The following CSRP3 variants were observed in gnomAD, a reference collection of about 807,000 sequenced individuals.
The protein encoded by CSRP3 is cysteine and glycine rich protein 3, also known as cysteine and glycine-rich protein 3.
CSRP3 carries 24 observed loss-of-function variants against 24.3 expected under a neutral mutation model. That is an observed-to-expected ratio of 0.99 (90% CI 0.71 to 1.39). The LOEUF (loss-of-function observed/expected upper bound fraction) is 1.39, where lower values mean the gene tolerates loss of function less well. Ranked by LOEUF, CSRP3 falls within the 40% of genes most tolerant of loss-of-function variation. The probability of loss-of-function intolerance (pLI) is 0.00; values close to 1 mark genes in which losing one functional copy is unlikely to be tolerated. For missense variants in CSRP3, 240 were observed against 249.0 expected, an observed-to-expected ratio of 0.96 and a Z score of 0.24; for synonymous variants, 105 against 94.0, an observed-to-expected ratio of 1.12 and a Z score of -0.68.
chr11:19,187,345 G>A (rs1030413742), intron 3 of CSRP3, among the ~76,000 whole-genome samples: 3 of 152,246 alleles, frequency 2.0e-5, no homozygotes, highest in Non-Finnish European at 4.4e-5. Flanking sequence ...GATGGCTGAA[G>A]TGCTCTCTGG....
chr11:19,191,761 T>C (rs533863405), intron 2 of CSRP3, among the ~76,000 whole-genome samples: 1 of 152,316 alleles, frequency 6.6e-6, no homozygotes, highest in African/African-American at 2.4e-5. Flanking sequence ...ATTTTTGACA[T>C]GTGTGAGTCA....
chr11:19,188,592 C>A (rs1850568143), intron 2 of CSRP3, among the ~76,000 whole-genome samples: 1 of 149,020 alleles, frequency 6.7e-6, no homozygotes, highest in Non-Finnish European at 1.5e-5. Context: ...ATCCCTGAGT[C>A]TTCCCAAATG....
intron 1 of CSRP3, chr11:19,196,625 T>C (rs1041117610): frequency 2.6e-5 from 4 of 152,194 alleles, no homozygotes; most frequent in African/African-American, 9.7e-5. Context: ...TACCAAGGGA[T>C]GGGCCATTTG....
At chr11:19,194,793 A>G (rs1371330689) in intron 1 of CSRP3, among the ~76,000 whole-genome samples, 2 of 152,170 alleles carry the variant, frequency 1.3e-5, no homozygotes, top group African/African-American at 4.8e-5. Flanking sequence ...GAGTTGAAAG[A>G]CTTAGAATTA....
chr11:19,199,116 T>C (rs1399699458), intron 1 of CSRP3, among the ~76,000 whole-genome samples: 1 of 152,132 alleles, frequency 6.6e-6, no homozygotes, highest in Non-Finnish European at 1.5e-5. Flanking sequence ...CCAGGACAGG[T>C]GTGCCCAGGT....
At chr11:19,191,342 A>T (rs1489932520) in intron 2 of CSRP3, among the ~76,000 whole-genome samples, 1 of 152,138 alleles carries the variant, frequency 6.6e-6, no homozygotes, top group East Asian at 1.9e-4. Context: ...TTTCAATTGC[A>T]TGGATGCCTT....
At chr11:19,184,222 A>G (rs1002932694) in intron 5 of CSRP3, among the ~76,000 whole-genome samples, 1 of 152,154 alleles carries the variant, frequency 6.6e-6, no homozygotes, top group Admixed American at 6.5e-5. Flanking sequence ...GATTCTTGAG[A>G]CACCATCATT....
chr11:19,194,940 T>C (rs1478424537), intron 1 of CSRP3, among the ~76,000 whole-genome samples: 2 of 152,038 alleles, frequency 1.3e-5, no homozygotes, highest in African/African-American at 2.4e-5. Flanking sequence ...ACCCCTGGCA[T>C]TGAGAAGCCC....
At chr11:19,199,074 T>C (rs1296370309) in intron 1 of CSRP3, among the ~76,000 whole-genome samples, 3 of 152,230 alleles carry the variant, frequency 2.0e-5, no homozygotes, top group Admixed American at 2.0e-4. Context: ...GTGAATCAGC[T>C]TTGTTTTTCA....
Position 19,182,585 on chromosome 11 carries a change from C to G in CSRP3, c.*85G>C. 2.8e-6 allele frequency: 3 copies of G among 1,075,968 alleles called. No homozygotes were observed. In the South Asian group the frequency reaches 3.7e-5, roughly 13 times the overall value. The allele number at this position is 1,075,968 out of a possible 1,614,324, so 66.7% of individuals were successfully genotyped here. On this transcript the variant is annotated 3_prime_UTR_variant, in exon 6 of 6. Coordinates refer to ENST00000265968, the MANE Select transcript of CSRP3 (RefSeq NM_003476.5). ...ATAATGTACGACTACAAAGGAGAGGCTATTTGGGGAAAGGTATCGATCTGT... is the reference window on the plus strand; with the variant it reads ...ATAATGTACGACTACAAAGGAGAGGGTATTTGGGGAAAGGTATCGATCTGT...
At chr11:19,191,555 T>TG (rs1850614706) in intron 2 of CSRP3, among the ~76,000 whole-genome samples, 1 of 152,304 alleles carries the variant, frequency 6.6e-6, no homozygotes, top group South Asian at 2.1e-4. Flanking sequence ...AATGCAGTCA[T>TG]GTCAAAGAGC....
chr11:19,200,978 C>A (rs1301733317), intron 1 of CSRP3, among the ~76,000 whole-genome samples: 1 of 152,132 alleles, frequency 6.6e-6, no homozygotes, highest in Non-Finnish European at 1.5e-5. Context: ...TTCCTCAGAC[C>A]AGTAACTCAA....
At chr11:19,191,565 C>T (rs1312159461) in intron 2 of CSRP3, among the ~76,000 whole-genome samples, 1 of 152,164 alleles carries the variant, frequency 6.6e-6, no homozygotes, top group East Asian at 1.9e-4. Context: ...TGTCAAAGAG[C>T]ACTGGACATG....
Position 19,190,234 on chromosome 11 carries a change from A to G in CSRP3, c.113-1930T>C, listed in dbSNP as rs187446523. Among the ~76,000 whole-genome samples, 104 of 152,328 alleles carry G rather than the reference A, an allele frequency of 6.8e-4. 1 individual carries two copies. Among genetic ancestry groups the G allele is most frequent in the Middle Eastern group, 3.4e-3 (1 of 294 alleles). ...CATTCCCATCACTCCAAGACTGCCT[A>G]TACCCTAAGGTGCCCTGGCCAATTC... On this transcript the variant is annotated intron_variant, in intron 2 of 5. Coordinates refer to ENST00000265968, the MANE Select transcript of CSRP3 (RefSeq NM_003476.5).
At chr11:19,199,423 G>A (rs913882842) in intron 1 of CSRP3, among the ~76,000 whole-genome samples, 2 of 152,210 alleles carry the variant, frequency 1.3e-5, no homozygotes, top group Non-Finnish European at 2.9e-5. Flanking sequence ...AATGAAGGCT[G>A]TAGAACATGG....
intron 1 of CSRP3, among the ~76,000 whole-genome samples, chr11:19,193,274 A>G (rs188771810): frequency 3.3e-5 from 5 of 152,078 alleles, no homozygotes; most frequent in Admixed American, 1.3e-4. Context: ...CCACCTATAC[A>G]GTTATTCTTT....
At chr11:19,199,414 A>G (rs545799531) in intron 1 of CSRP3, among the ~76,000 whole-genome samples, 2 of 152,358 alleles carry the variant, frequency 1.3e-5, no homozygotes, top group East Asian at 3.9e-4. Flanking sequence ...CATACATTAA[A>G]TGAAGGCTGT....
At chr11:19,196,757 C>T (rs1850713977) in intron 1 of CSRP3, 1 of 152,184 alleles carries the variant, frequency 6.6e-6, no homozygotes, top group South Asian at 2.1e-4. Flanking sequence ...CCTGGCACGA[C>T]TCTCTGGGCC....
At chr11:19,185,402 G>GA (rs1411205614) in intron 4 of CSRP3, among the ~76,000 whole-genome samples, 3 of 151,828 alleles carry the variant, frequency 2.0e-5, no homozygotes, top group African/African-American at 4.8e-5. Flanking sequence ...GTTACAGAAG[G>GA]AAAAAAAATA....
Sources: allele counts gnomAD v4.1 joint callset (sites outside exome capture counted in the v4.1 genomes callset), GRCh38; gene constraint gnomAD v4.1.1; transcripts MANE v1.5; gene names NCBI Gene and HGNC (gene_info 2026-07-23, HGNC 2026-07-21).